The following SRSF10 variants were observed in gnomAD, a reference collection of about 807,000 sequenced individuals.
SRSF10 encodes the protein serine and arginine rich splicing factor 10.
A neutral mutation model predicts 32.6 loss-of-function variants in SRSF10; 9 were observed. That is an observed-to-expected ratio of 0.28 (90% CI 0.17 to 0.48). SRSF10 has a LOEUF of 0.48. SRSF10 is among the 20% of genes least tolerant of loss of function. SRSF10 has a pLI of 0.99. For synonymous variants in SRSF10, 105 were observed against 112.4 expected (o/e 0.93, Z 0.42); for missense variants, 201 against 331.8 (o/e 0.61, Z 3.06).
At chr1:23,976,569 G>A (rs1642104454) in intron 2 of SRSF10, 2 of 152,178 alleles carry the variant, frequency 1.3e-5, no homozygotes, top group South Asian at 2.1e-4. Context: ...TACCCCAAGA[G>A]ACAGAATATA....
At chr1:23,979,454 G>C (rs1174248435) in intron 1 of SRSF10, among the ~76,000 whole-genome samples, 2 of 152,212 alleles carry the variant, frequency 1.3e-5, no homozygotes, top group Non-Finnish European at 2.9e-5. Flanking sequence ...CTTGTAGTAA[G>C]AACTCTTCCA....
Position 23,976,881 on chromosome 1 carries a change from T to C in SRSF10, c.171-1804A>G, listed in dbSNP as rs1452966631. ...TTTCTTTTCAACTATTTTAAAACCA[T>C]AGACTTACTGAATATGTATTTTAAA... On this transcript the variant is annotated intron_variant, in intron 2 of 5. Coordinates refer to ENST00000492112, the MANE Select transcript of SRSF10 (RefSeq NM_054016.4). The C allele has an allele frequency of 7.9e-5, 12 of 152,210 alleles. 1 individual carries two copies. Among genetic ancestry groups the C allele is most frequent in the Admixed American group, 7.2e-4 (11 of 15,278 alleles). The allele number at this position is 152,210 out of a possible 1,614,324, so 9.4% of individuals were successfully genotyped here. A position where few individuals can be genotyped will look rare whatever the true frequency, so the allele number is the denominator to read the frequency against.
At position 23,965,800 on chromosome 1, in the gene SRSF10, A is replaced by C. The variant is rs1191824007; in HGVS notation, c.*5342T>G. 6.6e-6 allele frequency: 1 copy of C among 151,830 alleles called. No homozygotes were observed. Among genetic ancestry groups the C allele is most frequent in the Non-Finnish European group, 1.5e-5 (1 of 67,806 alleles). The allele number at this position is 151,830 out of a possible 1,614,324, so 9.4% of individuals were successfully genotyped here. A position where few individuals can be genotyped will look rare whatever the true frequency, so the allele number is the denominator to read the frequency against. Reference sequence around the variant, plus strand: ...TATATGTATTTACCTAATTTTTTTTAAACAAAACCCCAACTCAATATGCAC... The same window carrying C: ...TATATGTATTTACCTAATTTTTTTTCAACAAAACCCCAACTCAATATGCAC... On this transcript the variant is annotated 3_prime_UTR_variant, in exon 6 of 6. Coordinates refer to ENST00000492112, the MANE Select transcript of SRSF10 (RefSeq NM_054016.4).
rs2148496717 is a variant in SRSF10 at position 23,969,709 on chromosome 1, G to T, written c.*1433C>A. 1.0e-6 allele frequency: 1 copy of T among 985,350 alleles called. No individual in the cohort carries two copies. The highest frequency in any genetic ancestry group is 1.1e-4 in the East Asian group (1 of 8,818). 61.0% of individuals were successfully genotyped at this position (985,350 alleles called of 1,614,324 possible). ...TTTGTCCCCAAAACGATCTTTCAGA[G>T]AAATACTAGAAATTATAAATGGTTT... On this transcript the variant is annotated 3_prime_UTR_variant, in exon 6 of 6. Transcript: ENST00000492112.
chr1:23,975,468 A>G (rs1278500752), intron 2 of SRSF10: 2 of 165,512 alleles, frequency 1.2e-5, no homozygotes, highest in Non-Finnish European at 2.6e-5. Flanking sequence ...TAAAACCAAA[A>G]TACTATTTTT....
rs891203803 is a variant in SRSF10 at position 23,979,235 on chromosome 1, C to G, written c.66-418G>C. 1.1e-3 allele frequency among the ~76,000 whole-genome samples: 162 copies of G among 151,516 alleles called. 1 individual carries two copies. The highest frequency in any genetic ancestry group is 2.8e-4 in the Non-Finnish European group (19 of 67,948). On this transcript the variant is annotated intron_variant, in intron 1 of 5. Transcript: ENST00000492112. ...CTTAAATAGTTAAGTGTCAAGATGA[C>G]GTAAAGAGAAAATTTCTCTAGATGC...
intron 1 of SRSF10, among the ~76,000 whole-genome samples, chr1:23,979,525 G>A (rs1642319461): frequency 6.6e-6 from 1 of 152,112 alleles, no homozygotes; most frequent in Non-Finnish European, 1.5e-5. Flanking sequence ...TTTAAGGTAC[G>A]TCTGAATTAA....
In SRSF10 at chr1:23,969,628, A is replaced by C. The variant is rs1333830489; in HGVS notation, c.*1514T>G. On this transcript the variant is annotated 3_prime_UTR_variant, in exon 6 of 6. Transcript: ENST00000492112. ...TGTATCTGTAAGCAAGCAATCTGAG[A>C]TTTTTAAAGATGCTAGCTTTTTATT... 1 of 985,106 alleles carries C rather than the reference A, an allele frequency of 1.0e-6. No individual in the cohort carries two copies. Among genetic ancestry groups the C allele is most frequent in the Non-Finnish European group, 1.2e-6 (1 of 829,724 alleles). The allele number at this position is 985,106 out of a possible 1,614,324, so 61.0% of individuals were successfully genotyped here. A position where few individuals can be genotyped will look rare whatever the true frequency, so the allele number is the denominator to read the frequency against.
rs920819454 is a variant in SRSF10 at position 23,964,527 on chromosome 1, G to A, written c.*6615C>T. Among the ~76,000 whole-genome samples, 1 of 151,834 alleles carries A rather than the reference G, an allele frequency of 6.6e-6. No homozygotes were observed. The highest frequency in any genetic ancestry group is 1.5e-5 in the Non-Finnish European group (1 of 67,856). On this transcript the variant is annotated 3_prime_UTR_variant, in exon 6 of 6. Coordinates refer to ENST00000492112, the MANE Select transcript of SRSF10 (RefSeq NM_054016.4). ...TGTAATTTCAATTTGTCTTCTTTTC[G>A]ATGGCAGTTATACTATGATGGAATC...
Position 23,974,980 on chromosome 1 carries a change from G to GGAA in SRSF10, c.267_268insTTC (p.Asp89_Arg90insPhe), listed in dbSNP as rs1641998330. ...CAGGCATAAGGGTACTTACTCTTTCGATCCCCCTGGGCAAACTGTATTTCA... is the reference window on the plus strand; with the variant it reads ...CAGGCATAAGGGTACTTACTCTTTCGGAAATCCCCCTGGGCAAACTGTATTTCA... On this transcript the variant is annotated inframe_insertion, in exon 3 of 6. Coordinates refer to ENST00000492112, the MANE Select transcript of SRSF10 (RefSeq NM_054016.4). The GGAA allele has an allele frequency of 6.2e-7, 1 of 1,611,358 alleles. No homozygotes were observed. The highest frequency in any genetic ancestry group is 8.5e-7 in the Non-Finnish European group (1 of 1,177,968).
At position 23,966,609 on chromosome 1, in the gene SRSF10, A is replaced by G. The variant is rs1641463204; in HGVS notation, c.*4533T>C. 6.6e-6 allele frequency: 1 copy of G among 152,026 alleles called. No homozygotes were observed. Among genetic ancestry groups the G allele is most frequent in the African/African-American group, 2.4e-5 (1 of 41,436 alleles). 9.4% of individuals were successfully genotyped at this position (152,026 alleles called of 1,614,324 possible). On this transcript the variant is annotated 3_prime_UTR_variant, in exon 6 of 6. Coordinates refer to ENST00000492112, the MANE Select transcript of SRSF10 (RefSeq NM_054016.4). ...CTCTCTGTCTGCCTCAAAATAATCT[A>G]ATTATAGCACCCAGTCTCCTTTATA...
At position 23,967,719 on chromosome 1, in the gene SRSF10, T is replaced by C. The variant is rs1641518801; in HGVS notation, c.*3423A>G. 8 of 1,610,846 alleles carry C rather than the reference T, an allele frequency of 5.0e-6. No individual in the cohort carries two copies. The highest frequency in any genetic ancestry group is 6.8e-6 in the Non-Finnish European group (8 of 1,177,226). ...CTGTACTGGGTATTCCAGCTGCAGT[T>C]TGGTCTTAAATAAAAGAAGGATGTT... On this transcript the variant is annotated 3_prime_UTR_variant, in exon 6 of 6. Transcript: ENST00000492112.
Position 23,968,059 on chromosome 1 carries a change from G to T in SRSF10, c.*3083C>A. 1 of 1,516,738 alleles carries T rather than the reference G, an allele frequency of 6.6e-7. No homozygotes were observed. Among genetic ancestry groups the T allele is most frequent in the South Asian group, 1.2e-5 (1 of 80,806 alleles). The allele number at this position is 1,516,738 out of a possible 1,614,324, so 94.0% of individuals were successfully genotyped here. A position where few individuals can be genotyped will look rare whatever the true frequency, so the allele number is the denominator to read the frequency against. On this transcript the variant is annotated 3_prime_UTR_variant, in exon 6 of 6. Transcript: ENST00000492112. ...TGATATAACCATTCTATTTATCATT[G>T]AGCCCAGTCATACACAGTAGGTAAA...
chr1:23,974,726 G>A (rs1641981276), intron 3 of SRSF10, among the ~76,000 whole-genome samples: 1 of 151,998 alleles, frequency 6.6e-6, no homozygotes, highest in Non-Finnish European at 1.5e-5. Flanking sequence ...CTACTCGGAA[G>A]GTTGAGGCAT....
At position 23,971,182 on chromosome 1, in the gene SRSF10, C is replaced by G; in HGVS notation, c.749G>C (p.Arg250Thr). 6.2e-7 allele frequency: 1 copy of G among 1,613,184 alleles called. No homozygotes were observed. The highest frequency in any genetic ancestry group is 1.1e-5 in the South Asian group (1 of 91,008). ...RSQSRSRSKSRSRSWTSPKSS... is the reference protein window; with the variant it reads ...RSQSRSRSKSTSRSWTSPKSS... The stretch of plus-strand genomic sequence containing the variant: ...CTTAGGACTAGTCCAAGACCTTGAT[C>G]TAGATTTTGACCTAGACCTAGACTG... The change falls in exon 6 of 6, where the codon AGA becomes ACA. Residue 250 changes from arginine (R) to threonine (T), a missense_variant. Arg to Thr is a moderately conservative substitution (Grantham distance 71). Transcript: ENST00000492112.
At chr1:23,976,023 G>A (rs1642063669) in intron 2 of SRSF10, 1 of 152,174 alleles carries the variant, frequency 6.6e-6, no homozygotes, top group Non-Finnish European at 1.5e-5. Flanking sequence ...TCCAAACCTA[G>A]CTCCTTTCCT....
chr1:23,973,883 T>G (rs895189805), intron 3 of SRSF10, among the ~76,000 whole-genome samples: 27 of 152,046 alleles, frequency 1.8e-4, no homozygotes, highest in African/African-American at 6.3e-4. Flanking sequence ...TGTATTGGAG[T>G]ACATATAAAA....
At position 23,978,746 on chromosome 1, in the gene SRSF10, T is replaced by C; in HGVS notation, c.137A>G (p.Tyr46Cys). The C allele has an allele frequency of 6.2e-7, 1 of 1,613,370 alleles. No homozygotes were observed. The highest frequency in any genetic ancestry group is 8.5e-7 in the Non-Finnish European group (1 of 1,179,552). Reference sequence around the variant, plus strand: ...AGCAAATCCTCTTGGACGGCGAGTGTAGAAATCAAGTGGAACATACACATC... The same window carrying C: ...AGCAAATCCTCTTGGACGGCGAGTGCAGAAATCAAGTGGAACATACACATC... ...IVDVYVPLDF[Y>C]TRRPRGFAYV... The change falls in exon 2 of 6, where the codon TAC becomes TGC. Residue 46 changes from tyrosine to cysteine, a missense_variant. Physicochemically the swap from Tyr to Cys is radical, Grantham distance 194 (BLOSUM62 -2). Transcript: ENST00000492112.
At chr1:23,972,952 C>A (rs1178248486) in intron 3 of SRSF10, among the ~76,000 whole-genome samples, 3 of 152,114 alleles carry the variant, frequency 2.0e-5, no homozygotes, top group Non-Finnish European at 4.4e-5. Context: ...GTTGGTCAGG[C>A]TGGACTTGAA....
Sources: allele counts gnomAD v4.1 joint callset (sites outside exome capture counted in the v4.1 genomes callset), GRCh38; gene constraint gnomAD v4.1.1; transcripts MANE v1.5; gene names NCBI Gene and HGNC (gene_info 2026-07-23, HGNC 2026-07-21).